Variants in XKR4 observed in about 807,000 individuals in gnomAD.
The protein encoded by XKR4 is XK-related protein 4.
In XKR4, 12 loss-of-function variants were observed where a neutral mutation model predicts 53.9. The observed-to-expected ratio is 0.22, with a 90% CI of 0.14 to 0.36. The LOEUF (loss-of-function observed/expected upper bound fraction) is 0.36. Ranked by LOEUF, XKR4 falls within the 10% of genes least tolerant of loss-of-function variation. The pLI, the probability that XKR4 is intolerant of heterozygous loss-of-function variation, is 1.00. For missense variants in XKR4, 799 were observed against 859.5 expected (o/e 0.93, Z 0.88); for synonymous variants, 354 against 362.4 (o/e 0.98, Z 0.26).
chr8:55,443,864 GA>G (rs1270711891), intron 2 of XKR4, among the ~76,000 whole-genome samples: 67 of 133,998 alleles, frequency 5.0e-4, no homozygotes, highest in Admixed American at 2.9e-3. Flanking sequence ...AGAAAGAAAA[GA>G]AAAAAAAAGA....
At chr8:55,409,853 A>G (rs1047213338) in intron 2 of XKR4, among the ~76,000 whole-genome samples, 5 of 152,200 alleles carry the variant, frequency 3.3e-5, no homozygotes, top group Non-Finnish European at 5.9e-5. Context: ...GGAAATTCTG[A>G]TTGCTGAGAA....
At chr8:55,255,770 G>C (rs1818430473) in intron 1 of XKR4, among the ~76,000 whole-genome samples, 1 of 152,146 alleles carries the variant, frequency 6.6e-6, no homozygotes, top group African/African-American at 2.4e-5. Flanking sequence ...AGTTTGTGAA[G>C]TCATAAATTA....
chr8:55,378,486 G>C (rs779590351), intron 2 of XKR4, among the ~76,000 whole-genome samples: 1 of 152,196 alleles, frequency 6.6e-6, no homozygotes. Flanking sequence ...AAAATCAAGA[G>C]AGGTAGCTTG....
At chr8:55,295,003 T>G (rs1177150072) in intron 1 of XKR4, among the ~76,000 whole-genome samples, 1 of 152,204 alleles carries the variant, frequency 6.6e-6, no homozygotes, top group African/African-American at 2.4e-5. Context: ...TCCTTATTGT[T>G]CTTTCTCCAT....
chr8:55,304,963 A>G (rs998291182), intron 1 of XKR4, among the ~76,000 whole-genome samples: 37 of 152,166 alleles, frequency 2.4e-4, no homozygotes, highest in African/African-American at 8.4e-4. Flanking sequence ...AAGATTATTA[A>G]ACACTTGAAG....
intron 2 of XKR4, among the ~76,000 whole-genome samples, chr8:55,377,015 G>A (rs1804162460): frequency 6.6e-6 from 1 of 151,534 alleles, no homozygotes; most frequent in Non-Finnish European, 1.5e-5. Flanking sequence ...TATACCTGGT[G>A]TAACAGGCAC....
rs1175496163 is a variant in XKR4, at chr8:55,474,613, TG to T, written c.1007-48663del. ...AGATGATTAGAATATAGACAAAAAT[TG>T]GGGGCATTTAAGTTATTATTGGAGC... On this transcript the variant is annotated intron_variant, in intron 2 of 2. Coordinates refer to ENST00000327381, the MANE Select transcript of XKR4 (RefSeq NM_052898.2). 2.0e-4 allele frequency among the ~76,000 whole-genome samples: 31 copies of T among 152,206 alleles called. 1 individual carries two copies. Among genetic ancestry groups the T allele is most frequent in the African/African-American group, 7.5e-4 (31 of 41,488 alleles).
intron 1 of XKR4, among the ~76,000 whole-genome samples, chr8:55,269,404 T>C (rs1187197830): frequency 6.6e-6 from 1 of 152,198 alleles, no homozygotes; most frequent in East Asian, 1.9e-4. Flanking sequence ...ACTAAATCCA[T>C]ACCATAGTTT....
chr8:55,269,565 T>G (rs1287182950), intron 1 of XKR4, among the ~76,000 whole-genome samples: 1 of 152,082 alleles, frequency 6.6e-6, no homozygotes, highest in East Asian at 1.9e-4. Flanking sequence ...CATATTTTAG[T>G]GAGTGGAGAA....
chr8:55,409,463 A>G (rs948457322), intron 2 of XKR4, among the ~76,000 whole-genome samples: 12 of 152,164 alleles, frequency 7.9e-5, no homozygotes, highest in African/African-American at 2.7e-4. Flanking sequence ...TAATGTGATG[A>G]TTTCAGTGGC....
chr8:55,307,252 A>G (rs987781790), intron 1 of XKR4, among the ~76,000 whole-genome samples: 1 of 152,230 alleles, frequency 6.6e-6, no homozygotes, highest in South Asian at 2.1e-4. Flanking sequence ...CCAACAAAGG[A>G]CTAGTTCCTA....
chr8:55,306,297 C>A (rs1257145723), intron 1 of XKR4, among the ~76,000 whole-genome samples: 1 of 152,242 alleles, frequency 6.6e-6, no homozygotes, highest in Non-Finnish European at 1.5e-5. Context: ...AGCTATCCAG[C>A]TTTCAAGTAC....
At chr8:55,469,882 G>A (rs1805845993) in intron 2 of XKR4, among the ~76,000 whole-genome samples, 1 of 152,084 alleles carries the variant, frequency 6.6e-6, no homozygotes, top group Admixed American at 6.6e-5. Context: ...TCAACAAACA[G>A]GTTTTAAGTG....
At chr8:55,428,442 T>A (rs1476533717) in intron 2 of XKR4, among the ~76,000 whole-genome samples, 2 of 152,316 alleles carry the variant, frequency 1.3e-5, no homozygotes, top group East Asian at 3.9e-4. Flanking sequence ...GTTGCCACTC[T>A]ACTCCAGCCA....
chr8:55,132,005 G>A (rs886896931), intron 1 of XKR4, among the ~76,000 whole-genome samples: 5 of 152,182 alleles, frequency 3.3e-5, no homozygotes, highest in Admixed American at 6.5e-5. Flanking sequence ...CAGGTGTAGC[G>A]CAGAGCCCGA....
chr8:55,510,227 C>T (rs767395461), intron 2 of XKR4, among the ~76,000 whole-genome samples: 4 of 152,134 alleles, frequency 2.6e-5, no homozygotes, highest in African/African-American at 4.8e-5. Context: ...GCCAGGATCC[C>T]AGGAGTCCTC....
At chr8:55,229,787 A>C (rs1299690731) in intron 1 of XKR4, among the ~76,000 whole-genome samples, 2 of 151,716 alleles carry the variant, frequency 1.3e-5, no homozygotes, top group African/African-American at 4.9e-5. Context: ...TTAGTCCTGC[A>C]TTGCCAACTC....
chr8:55,248,043 G>A (rs1818311290), intron 1 of XKR4, among the ~76,000 whole-genome samples: 1 of 151,366 alleles, frequency 6.6e-6, no homozygotes, highest in Non-Finnish European at 1.5e-5. Context: ...TTTTAGTAGA[G>A]ATGGGGTTTC....
intron 1 of XKR4, among the ~76,000 whole-genome samples, chr8:55,107,292 G>A (rs1563457944): frequency 6.6e-6 from 1 of 152,128 alleles, no homozygotes; most frequent in Non-Finnish European, 1.5e-5. Context: ...ATTATGTAGT[G>A]TAGTTAGGAT....
Sources: allele counts gnomAD v4.1 joint callset (sites outside exome capture counted in the v4.1 genomes callset), GRCh38; gene constraint gnomAD v4.1.1; transcripts MANE v1.5; gene names NCBI Gene and HGNC (gene_info 2026-07-23, HGNC 2026-07-21).